Variants in HK3 observed in about 807,000 individuals in gnomAD.
HK3 encodes the protein hexokinase 3, also known as hexokinase-3.
In HK3, 93 loss-of-function variants were observed where a neutral mutation model predicts 91.0. The ratio of observed to expected loss-of-function variants is 1.02; its 90% CI spans 0.86 to 1.21. The LOEUF is 1.21. Ranked by LOEUF, HK3 falls within the 50% of genes most tolerant of loss-of-function variation. HK3 has a pLI of 0.00. For missense variants in HK3, 1,235 were observed against 1,247.4 expected (o/e 0.99, Z 0.15); for synonymous variants, 519 against 516.9 (o/e 1.00, Z -0.06).
chr5:176,894,147 C>A (rs1264977940), intron 2 of HK3, among the ~76,000 whole-genome samples: 2 of 152,190 alleles, frequency 1.3e-5, no homozygotes, highest in East Asian at 3.9e-4. Context: ...CCTCAGAGCA[C>A]AAAGCACACC....
At chr5:176,892,562 C>T (rs1412709223) in intron 2 of HK3, among the ~76,000 whole-genome samples, 2 of 152,118 alleles carry the variant, frequency 1.3e-5, no homozygotes, top group East Asian at 3.9e-4. Context: ...CTCTCTCACC[C>T]ATCCTTCAAA....
At position 176,887,708 on chromosome 5, in the gene HK3, G is replaced by C; in HGVS notation, c.1343C>G (p.Ala448Gly). The change falls in exon 11 of 19, where the codon GCC becomes GGC. Residue 448 changes from alanine (A) to glycine (G), a missense_variant. Around this residue, in one of 3 missense-constraint regions of HK3, gnomAD observed 717 missense variants for 751.6 expected, o/e 0.95. Transcript: ENST00000292432. This position sits in a 1 kb window ranked among gnomAD's most constrained non-coding sequence, Gnocchi z 4.9. ...SVLQGTVMLL[A>G]PECDVSLIPS... ...GATTAAGGAGACATCGCATTCCGGG[G>C]CCAGGAGCATCACTGTCCCCTGCAG... 1 of 1,612,986 alleles carries C rather than the reference G, an allele frequency of 6.2e-7. No homozygotes were observed.
At position 176,880,973 on chromosome 5, in the gene HK3, C is replaced by T. The variant is rs1758407671; in HGVS notation, c.*100G>A. ...CGCAGAGGGGTCACACATGGGATGT[C>T]CCAGGAGTCCTGGGTGGCTGGGCCT... On this transcript the variant is annotated 3_prime_UTR_variant, in exon 19 of 19. Transcript: ENST00000292432. 2 of 1,386,336 alleles carry T rather than the reference C, an allele frequency of 1.4e-6. No homozygotes were observed. The highest frequency in any genetic ancestry group is 1.5e-5 in the African/African-American group (1 of 68,810). The allele number at this position is 1,386,336 out of a possible 1,614,324, so 85.9% of individuals were successfully genotyped here. A position where few individuals can be genotyped will look rare whatever the true frequency, so the allele number is the denominator to read the frequency against.
At chr5:176,886,638 G>A (rs1758590770) in intron 13 of HK3, among the ~76,000 whole-genome samples, 1 of 152,148 alleles carries the variant, frequency 6.6e-6, no homozygotes, top group Non-Finnish European at 1.5e-5. Flanking sequence ...AACAAAGAAA[G>A]GAGGAGGAGA....
In HK3 at chr5:176,887,909, T is replaced by TA. The variant is rs397969896; in HGVS notation, c.1305-164dup. On this transcript the variant is annotated intron_variant, in intron 10 of 18. Coordinates refer to ENST00000292432, the MANE Select transcript of HK3 (RefSeq NM_002115.3). The surrounding 1 kb of genome is among the most constrained non-coding windows in gnomAD (Gnocchi z 4.9). Reference sequence around the variant, plus strand: ...CAAGGCCCCATCACTTTTTTTTTTTTATTTTTGTAGATATCGAGTCTTGCT... The same window carrying TA: ...CAAGGCCCCATCACTTTTTTTTTTTTAATTTTTGTAGATATCGAGTCTTGCT... 6.6e-6 allele frequency among the ~76,000 whole-genome samples: 1 copy of TA among 151,788 alleles called. No individual in the cohort carries two copies. The highest frequency in any genetic ancestry group is 1.5e-5 in the Non-Finnish European group (1 of 67,882).
intron 2 of HK3, among the ~76,000 whole-genome samples, chr5:176,894,777 CTT>C (rs550204831): frequency 1.6e-4 from 22 of 137,956 alleles, no homozygotes; most frequent in Admixed American, 5.1e-4. Flanking sequence ...TATGCAAGTC[CTT>C]TTTTTTTTTT....
In HK3 at chr5:176,881,799, G is replaced by A. The variant is rs1386168131; in HGVS notation, c.2286C>T (p.His762=). The change falls in exon 17 of 19, where the codon CAC becomes CAT. Residue 762 remains histidine (H), a synonymous_variant. Coordinates refer to ENST00000292432, the MANE Select transcript of HK3 (RefSeq NM_002115.3). ...CAAGGCTGGTTAAATGTAAAAGGATGTGGCGGACGATCTCCCCCAGGTACA... is the reference window on the plus strand; with the variant it reads ...CAAGGCTGGTTAAATGTAAAAGGATATGGCGGACGATCTCCCCCAGGTACA... ...SGMYLGEIVR[H]ILLHLTSLGV... is the part of the protein sequence containing the mutation. 10 of 1,614,170 alleles carry A rather than the reference G, an allele frequency of 6.2e-6. No homozygotes were observed. The East Asian group carries it at 1.6e-4, about 25-fold the overall frequency.
At chr5:176,893,571 G>A (rs1391715860) in intron 2 of HK3, among the ~76,000 whole-genome samples, 3 of 152,252 alleles carry the variant, frequency 2.0e-5, no homozygotes, top group Admixed American at 6.5e-5. Flanking sequence ...TGATTGGATG[G>A]TTGTGGTGGC....
In HK3 at chr5:176,888,820, C is replaced by T. The variant is rs778912520; in HGVS notation, c.959G>A (p.Arg320Gln). The change falls in exon 9 of 19, where the codon CGG becomes CAG. Residue 320 changes from arginine (R) to glutamine (Q), a missense_variant. Coordinates refer to ENST00000292432, the MANE Select transcript of HK3 (RefSeq NM_002115.3). ...CCGGGCCAAGTGAGCCAGCACCAGC[C>T]GCACCAGCTCACCCAGGTACAGGCC... is the stretch of plus-strand genomic sequence containing the variant. ...IGGLYLGELV[R>Q]LVLAHLARCG... 1.9e-5 allele frequency: 30 copies of T among 1,613,818 alleles called. No homozygotes were observed. The highest frequency in any genetic ancestry group is 1.6e-4 in the Middle Eastern group (1 of 6,082).
rs759968150 is a variant in HK3, at chr5:176,887,165, C to T, written c.1737+36G>A. The T allele has an allele frequency of 6.2e-6, 10 of 1,614,056 alleles. No individual in the cohort carries two copies. Among genetic ancestry groups the T allele is most frequent in the Non-Finnish European group, 2.5e-6 (3 of 1,180,056 alleles). ...CAGGCGTAGGCACTGCTCAGCCCTT[C>T]CCCACCTCTGACATCAAGGTTCAGG... is the stretch of plus-strand genomic sequence containing the variant. On this transcript the variant is annotated intron_variant, in intron 12 of 18. Coordinates refer to ENST00000292432, the MANE Select transcript of HK3 (RefSeq NM_002115.3). This position sits in a 1 kb window ranked among gnomAD's most constrained non-coding sequence, Gnocchi z 4.9.
rs1261379541 is a variant in HK3, at chr5:176,888,501, A to G, written c.1135T>C (p.Ser379Pro). Residue 379 changes from serine to proline, a missense_variant, in exon 10 of 19, where the codon TCG becomes CCG. This residue lies in a region of HK3 where 717 missense variants were observed against 751.6 expected (regional missense o/e 0.95). Coordinates refer to ENST00000292432, the MANE Select transcript of HK3 (RefSeq NM_002115.3). Reference sequence around the variant, plus strand: ...ACGTGCTGCACAAGCTCAACATCCGAAGCCCCAGGGCTCAGGCCCAAGTCC... The same window carrying G: ...ACGTGCTGCACAAGCTCAACATCCGGAGCCCCAGGGCTCAGGCCCAAGTCC... ...LQDLGLSPGA[S>P]DVELVQHVCA... The G allele has an allele frequency of 1.3e-6, 2 of 1,554,328 alleles. No individual in the cohort carries two copies. The highest frequency in any genetic ancestry group is 8.7e-7 in the Non-Finnish European group (1 of 1,148,284).
chr5:176,882,200 G>A (rs556545646), intron 15 of HK3, 73 bp from the exon 16 acceptor site: 13 of 1,512,048 alleles, frequency 8.6e-6, no homozygotes, highest in Admixed American at 3.4e-5. Context: ...TTCCCATACC[G>A]AGATGGCAAC....
At chr5:176,883,894 T>C in intron 14 of HK3, 25 bp from the exon 15 acceptor site, 1 of 1,612,034 alleles carries the variant, frequency 6.2e-7, no homozygotes. Context: ...ATGCTGCTAG[T>C]TGCTGGGCAA....
chr5:176,881,575 G>A (rs372328946), intron 17 of HK3, 40 bp from the exon 18 acceptor site: 91 of 1,586,108 alleles, frequency 5.7e-5, no homozygotes, highest in Middle Eastern at 3.4e-4. Context: ...GAGGTGGGTC[G>A]TGACTTCTCC....
rs367991681 is a variant in HK3 at position 176,887,736 on chromosome 5, C to A, written c.1315G>T (p.Val439Phe). The A allele has an allele frequency of 6.2e-7, 1 of 1,606,678 alleles. No homozygotes were observed. The highest frequency in any genetic ancestry group is 8.5e-7 in the Non-Finnish European group (1 of 1,174,578). Residue 439 changes from valine to phenylalanine, a missense_variant, in exon 11 of 19, where the codon GTC becomes TTC. By Grantham distance (50) the Val-to-Phe change is conservative. Coordinates refer to ENST00000292432, the MANE Select transcript of HK3 (RefSeq NM_002115.3). This position sits in a 1 kb window ranked among gnomAD's most constrained non-coding sequence, Gnocchi z 4.9. ...AGGAGCATCACTGTCCCCTGCAGGACGCTGCAGAACCTACAGATACATACA... is the reference window on the plus strand; with the variant it reads ...AGGAGCATCACTGTCCCCTGCAGGAAGCTGCAGAACCTACAGATACATACA... ...VCERHPRFCS[V>F]LQGTVMLLAP...
Position 176,881,009 on chromosome 5 carries a change from C to T in HK3, c.*64G>A, listed in dbSNP as rs1581286173. 9 of 1,506,588 alleles carry T rather than the reference C, an allele frequency of 6.0e-6. No individual in the cohort carries two copies. Among genetic ancestry groups the T allele is most frequent in the Non-Finnish European group, 7.1e-6 (8 of 1,129,598 alleles). 93.3% of individuals were successfully genotyped at this position (1,506,588 alleles called of 1,614,324 possible). On this transcript the variant is annotated 3_prime_UTR_variant, in exon 19 of 19. Transcript: ENST00000292432. ...TGGGTGGCTGGGCCTGGCTGGGAAA[C>T]AGGCAGACCCCGACCCGGCTCCAGC...
At chr5:176,892,406 G>A (rs1051718496) in intron 2 of HK3, among the ~76,000 whole-genome samples, 1 of 152,140 alleles carries the variant, frequency 6.6e-6, no homozygotes, top group African/African-American at 2.4e-5. Flanking sequence ...AGACTGATCC[G>A]GGAGTGGATC....
chr5:176,881,402 C>T lies in HK3; in HGVS notation c.2527G>A (p.Gly843Ser), dbSNP rs1758423914. 1.2e-6 allele frequency: 2 copies of T among 1,613,432 alleles called. No individual in the cohort carries two copies. Among genetic ancestry groups the T allele is most frequent in the Middle Eastern group, 1.6e-4 (1 of 6,062 alleles). ...ATCTTCTCCACCACGGCAGCTACAC[C>T]CGCCCCACAGAGCTGGGCAGCCCTC... ...SQRAAQLCGAGVAAVVEKIRE... is the reference protein window; with the variant it reads ...SQRAAQLCGASVAAVVEKIRE... Residue 843 changes from glycine to serine, a missense_variant, in exon 18 of 19, where the codon GGT (glycine) becomes AGT (serine). Transcript: ENST00000292432.
In HK3 at chr5:176,881,025, C is replaced by A; in HGVS notation, c.*48G>T. Reference sequence around the variant, plus strand: ...GCTGGGAAACAGGCAGACCCCGACCCGGCTCCAGCAAGGCTGCGGCGGAGA... The same window carrying A: ...GCTGGGAAACAGGCAGACCCCGACCAGGCTCCAGCAAGGCTGCGGCGGAGA... On this transcript the variant is annotated 3_prime_UTR_variant, in exon 19 of 19. Coordinates refer to ENST00000292432, the MANE Select transcript of HK3 (RefSeq NM_002115.3). 6.5e-7 allele frequency: 1 copy of A among 1,541,368 alleles called. No individual in the cohort carries two copies. The highest frequency in any genetic ancestry group is 1.2e-5 in the South Asian group (1 of 81,374).
Sources: allele counts gnomAD v4.1 joint callset (sites outside exome capture counted in the v4.1 genomes callset), GRCh38; gene constraint gnomAD v4.1.1; regional missense constraint gnomAD v4.1.1; non-coding constraint Gnocchi (gnomAD v3.1); transcripts MANE v1.5; gene names NCBI Gene and HGNC (gene_info 2026-07-23, HGNC 2026-07-21).